The following MANBAL variants were observed in gnomAD, a reference collection of about 807,000 sequenced individuals.
MANBAL encodes mannosidase beta like, also known as protein MANBAL.
Under a neutral mutation model 6.4 loss-of-function variants are expected in MANBAL, and 1 was observed. The observed-to-expected ratio is 0.16, with a 90% CI of 0.06 to 0.74. The LOEUF is 0.74. MANBAL is among the 30% of genes least tolerant of loss of function. The pLI is 0.78. For missense variants in MANBAL, 100 were observed against 107.8 expected, an observed-to-expected ratio of 0.93 and a Z score of 0.32; for synonymous variants, 47 against 45.8, an observed-to-expected ratio of 1.03 and a Z score of -0.10.
At chr20:37,308,600 T>C (rs924372110) in intron 2 of MANBAL, among the ~76,000 whole-genome samples, 2 of 152,210 alleles carry the variant, frequency 1.3e-5, no homozygotes, top group Non-Finnish European at 2.9e-5. Context: ...TGAGGTTTTA[T>C]ATGCCTAGGC....
chr20:37,303,260 C>T (rs2069178772), intron 2 of MANBAL, among the ~76,000 whole-genome samples: 1 of 152,168 alleles, frequency 6.6e-6, no homozygotes, highest in African/African-American at 2.4e-5. Context: ...TCAGTCATTT[C>T]TCTAAAATGC....
At chr20:37,296,486 A>G (rs771265669) in intron 1 of MANBAL, among the ~76,000 whole-genome samples, 1 of 152,194 alleles carries the variant, frequency 6.6e-6, no homozygotes, top group African/African-American at 2.4e-5. Context: ...TTACTTTGCA[A>G]AGACTTTCCA....
intron 1 of MANBAL, among the ~76,000 whole-genome samples, chr20:37,293,471 T>C (rs1041211241): frequency 6.6e-6 from 1 of 152,166 alleles, no homozygotes; most frequent in Non-Finnish European, 1.5e-5. Context: ...CAGACGGTAA[T>C]GTGAGTGATG....
In MANBAL at chr20:37,316,508, C is replaced by T; in HGVS notation, c.*93C>T. The T allele has an allele frequency of 1.7e-6, 2 of 1,176,388 alleles. No individual in the cohort carries two copies. 72.9% of individuals were successfully genotyped at this position (1,176,388 alleles called of 1,614,324 possible). On this transcript the variant is annotated 3_prime_UTR_variant, in exon 3 of 3. Transcript: ENST00000373606. The stretch of plus-strand genomic sequence containing the variant: ...ATTGTGTTCCCCCGCATTCCAGGCT[C>T]AGGGTCTGAGGAGGCTGTGACGCCC...
At chr20:37,302,247 T>C (rs199688839) in intron 2 of MANBAL, 28 of 1,550,484 alleles carry the variant, frequency 1.8e-5, no homozygotes, top group Non-Finnish European at 2.4e-5. Context: ...TCATTTAACG[T>C]GTTTCTCTGT....
At chr20:37,290,212 T>G (rs1044374883) in intron 1 of MANBAL, among the ~76,000 whole-genome samples, 10 of 152,242 alleles carry the variant, frequency 6.6e-5, no homozygotes, top group African/African-American at 2.4e-4. Flanking sequence ...GAGAAATGAA[T>G]ATGAGAAACA....
chr20:37,290,350 C>A (rs1446788703), intron 1 of MANBAL, among the ~76,000 whole-genome samples: 1 of 152,108 alleles, frequency 6.6e-6, no homozygotes, highest in Non-Finnish European at 1.5e-5. Context: ...GCATTCTAAT[C>A]TAGTTTTGCG....
Position 37,301,337 on chromosome 20 carries a change from G to T in MANBAL, c.74G>T (p.Gly25Val), listed in dbSNP as rs2069130921. The T allele has an allele frequency of 6.2e-7, 1 of 1,613,846 alleles. No individual in the cohort carries two copies. The highest frequency in any genetic ancestry group is 8.5e-7 in the Non-Finnish European group (1 of 1,179,850). The change falls in exon 2 of 3, where the codon GGA (glycine) becomes GTA (valine). Residue 25 changes from glycine (G) to valine (V), a missense_variant. Transcript: ENST00000373606. Reference protein sequence around the residue: ...PTFLENLLRYGLFLGAIFQLI... With the variant: ...PTFLENLLRYVLFLGAIFQLI... ...TTCCTGGAGAACCTGCTACGGTACG[G>T]ACTCTTCCTGGGAGCCATCTTCCAG...
chr20:37,307,390 T>C (rs1213735678), intron 2 of MANBAL, among the ~76,000 whole-genome samples: 1 of 152,156 alleles, frequency 6.6e-6, no homozygotes, highest in African/African-American at 2.4e-5. Flanking sequence ...TTCTTAGATG[T>C]GTTAAGTTTG....
At chr20:37,304,086 A>G (rs1475341984) in intron 2 of MANBAL, among the ~76,000 whole-genome samples, 1 of 152,220 alleles carries the variant, frequency 6.6e-6, no homozygotes, top group East Asian at 1.9e-4. Context: ...TAAAATAACT[A>G]TATTTTTTAC....
At chr20:37,298,127 A>G (rs941211769) in intron 1 of MANBAL, among the ~76,000 whole-genome samples, 5 of 152,228 alleles carry the variant, frequency 3.3e-5, no homozygotes, top group African/African-American at 7.2e-5. Flanking sequence ...TTGAGGCTAC[A>G]GTGAGTTATG....
chr20:37,316,650 T>C lies in MANBAL; in HGVS notation c.*235T>C, dbSNP rs2069528191. 2.4e-6 allele frequency: 1 copy of C among 415,010 alleles called. No individual in the cohort carries two copies. Among genetic ancestry groups the C allele is most frequent in the African/African-American group, 2.0e-5 (1 of 49,388 alleles). The allele number at this position is 415,010 out of a possible 1,614,324, so 25.7% of individuals were successfully genotyped here. A position where few individuals can be genotyped will look rare whatever the true frequency, so the allele number is the denominator to read the frequency against. ...TAGAGTCAAGGGGGCTGAAACACACTGTGAGCATAGACTGTATTAGGTTTG... is the reference window on the plus strand; with the variant it reads ...TAGAGTCAAGGGGGCTGAAACACACCGTGAGCATAGACTGTATTAGGTTTG... On this transcript the variant is annotated 3_prime_UTR_variant, in exon 3 of 3. Transcript: ENST00000373606.
At chr20:37,314,241 C>G (rs2146834948) in intron 2 of MANBAL, among the ~76,000 whole-genome samples, 1 of 152,226 alleles carries the variant, frequency 6.6e-6, no homozygotes, top group African/African-American at 2.4e-5. Context: ...TACCGGGTCT[C>G]TGGTTGCTCC....
At chr20:37,291,984 G>C (rs2068881806) in intron 1 of MANBAL, among the ~76,000 whole-genome samples, 1 of 152,206 alleles carries the variant, frequency 6.6e-6, no homozygotes, top group Admixed American at 6.5e-5. Context: ...CAGAAGTAAA[G>C]TGCTATTCTC....
chr20:37,302,099 TTATAAC>T (rs1181936604), intron 2 of MANBAL, among the ~76,000 whole-genome samples: 2 of 152,202 alleles, frequency 1.3e-5, no homozygotes, highest in Non-Finnish European at 2.9e-5. Context: ...GTAAGTATCT[TTATAAC>T]TATACACCCT....
intron 2 of MANBAL, 97 bp downstream of exon 2, chr20:37,301,510 A>G: frequency 4.5e-6 from 6 of 1,321,970 alleles, no homozygotes; most frequent in South Asian, 1.7e-5. Flanking sequence ...AGCAGGGTCT[A>G]CATTGGGCCT....
intron 1 of MANBAL, among the ~76,000 whole-genome samples, chr20:37,290,208 T>C (rs908328580): frequency 6.6e-6 from 1 of 152,154 alleles, no homozygotes; most frequent in Non-Finnish European, 1.5e-5. Context: ...AAGCGAGAAA[T>C]GAATATGAGA....
intron 2 of MANBAL, among the ~76,000 whole-genome samples, chr20:37,314,822 G>A (rs1444590494): frequency 6.6e-6 from 1 of 152,196 alleles, no homozygotes; most frequent in Non-Finnish European, 1.5e-5. Context: ...GATCAGATCC[G>A]AGGCAGGGAC....
chr20:37,301,372 G>C lies in MANBAL; in HGVS notation c.109G>C (p.Val37Leu). The C allele has an allele frequency of 6.2e-7, 1 of 1,613,756 alleles. No homozygotes were observed. The highest frequency in any genetic ancestry group is 1.1e-5 in the South Asian group (1 of 91,040). ...GGGAGCCATCTTCCAGCTCATCTGT[G>C]TGCTGGCCATCATCGTACCCATTCC... ...FLGAIFQLIC[V>L]LAIIVPIPKS... The change falls in exon 2 of 3, where the codon GTG becomes CTG. Residue 37 changes from valine to leucine, a missense_variant. Coordinates refer to ENST00000373606, the MANE Select transcript of MANBAL (RefSeq NM_001003897.2).
Sources: gnomAD v4.1 joint callset for allele counts (sites outside exome capture counted in the v4.1 genomes callset) on GRCh38, gnomAD v4.1.1 for gene constraint, MANE v1.5 for transcripts, NCBI Gene and HGNC (gene_info 2026-07-23, HGNC 2026-07-21) for gene names.